Variants in ASS1 observed in about 807,000 individuals in gnomAD.
ASS1 encodes argininosuccinate synthase 1, also known as argininosuccinate synthase.
Under a neutral mutation model 60.5 loss-of-function variants are expected in ASS1, and 58 were observed. That is an observed-to-expected ratio of 0.96 (90% CI 0.78 to 1.19). The LOEUF (loss-of-function observed/expected upper bound fraction) is 1.19, where lower values mean the gene tolerates loss of function less well. Ranked by LOEUF, ASS1 falls within the 50% of genes most tolerant of loss-of-function variation. The pLI is 0.00. For synonymous variants in ASS1, 200 were observed against 206.9 expected, an observed-to-expected ratio of 0.97 and a Z score of 0.29; for missense variants, 454 against 547.3, an observed-to-expected ratio of 0.83 and a Z score of 1.70.
intron 1 of ASS1, among the ~76,000 whole-genome samples, chr9:130,446,296 G>A (rs1294248723): frequency 6.6e-6 from 1 of 152,210 alleles, no homozygotes; most frequent in East Asian, 1.9e-4. Context: ...CCTGGGGTTA[G>A]GTTCTGATGA....
chr9:130,487,602 C>T (rs897474317), intron 11 of ASS1, among the ~76,000 whole-genome samples: 1 of 152,144 alleles, frequency 6.6e-6, no homozygotes, highest in African/African-American at 2.4e-5. Context: ...TTCCCTACCC[C>T]GGCCCCTGGC....
At chr9:130,487,773 C>A (rs1178349877) in intron 11 of ASS1, among the ~76,000 whole-genome samples, 10 of 148,742 alleles carry the variant, frequency 6.7e-5, no homozygotes, top group Admixed American at 6.1e-4. Flanking sequence ...TTTTTTTAGA[C>A]AGAGTCTTGC....
In ASS1 at chr9:130,471,479, C is replaced by T. The variant is rs1554722504; in HGVS notation, c.567-6C>T. Reference sequence around the variant, plus strand: ...GCTGACCCTGTCTTTCCTTTCCCCTCCGCAGCTACGAGGCTGGAATCCTGG... The same window carrying T: ...GCTGACCCTGTCTTTCCTTTCCCCTTCGCAGCTACGAGGCTGGAATCCTGG... On this transcript the variant is annotated splice_region_variant and splice_polypyrimidine_tract_variant and intron_variant, in intron 7 of 14. Transcript: ENST00000352480. 1.9e-6 allele frequency: 3 copies of T among 1,614,148 alleles called. No individual in the cohort carries two copies. Among genetic ancestry groups the T allele is most frequent in the Middle Eastern group, 1.7e-4 (1 of 6,060 alleles).
intron 13 of ASS1, 67 bp from the exon 14 acceptor site, chr9:130,499,438 C>G: frequency 6.5e-7 from 1 of 1,537,662 alleles, no homozygotes; most frequent in Admixed American, 1.8e-5. Context: ...CTTCTGGCCC[C>G]AGCAGTCCTC....
chr9:130,465,056 A>AT lies in ASS1; in HGVS notation c.420+901dup, dbSNP rs796874986. On this transcript the variant is annotated intron_variant, in intron 5 of 14. Transcript: ENST00000352480. Reference sequence around the variant, plus strand: ...GTTTTATATATATATATATATATATATTTTTTTTTTTTCTTTTTCTGGAGA... The same window carrying AT: ...GTTTTATATATATATATATATATATATTTTTTTTTTTTTCTTTTTCTGGAGA... 4.2e-3 allele frequency among the ~76,000 whole-genome samples: 499 copies of AT among 120,034 alleles called. 2 individuals are homozygous for AT. The highest frequency in any genetic ancestry group is 0.011 in the Admixed American group (133 of 12,422). The allele number at this position is 120,034 out of a possible 152,430, so 78.7% of individuals were successfully genotyped here. A position where few individuals can be genotyped will look rare whatever the true frequency, so the allele number is the denominator to read the frequency against.
rs374255376 is a variant in ASS1 at position 130,489,245 on chromosome 9, A to AT, written c.839-77dup. On this transcript the variant is annotated intron_variant, in intron 11 of 14. Coordinates refer to ENST00000352480, the MANE Select transcript of ASS1 (RefSeq NM_054012.4). The surrounding 1 kb of genome is among the most constrained non-coding windows in gnomAD (Gnocchi z 4.1). Reference sequence around the variant, plus strand: ...TGTCAGACGACTCATTATTATTATTATTTTTTTTTTTGTCATTTGCTGACA... The same window carrying AT: ...TGTCAGACGACTCATTATTATTATTATTTTTTTTTTTTGTCATTTGCTGACA... The AT allele has an allele frequency of 1.5e-3, 2,022 of 1,360,542 alleles. No individual in the cohort carries two copies. Among genetic ancestry groups the AT allele is most frequent in the African/African-American group, 3.8e-3 (247 of 65,044 alleles). The allele number at this position is 1,360,542 out of a possible 1,614,324, so 84.3% of individuals were successfully genotyped here.
rs748264993 is a variant in ASS1, at chr9:130,454,374, G to T, written c.174+1G>T. 5 of 1,613,524 alleles carry T rather than the reference G, an allele frequency of 3.1e-6. No individual in the cohort carries two copies. The highest frequency in any genetic ancestry group is 3.3e-5 in the Admixed American group (2 of 59,964). ...GGCACTGAAGCTTGGGGCCAAAAAGGTACCAGGCGGGAGGCAGGGATTTGG... is the reference window on the plus strand; with the variant it reads ...GGCACTGAAGCTTGGGGCCAAAAAGTTACCAGGCGGGAGGCAGGGATTTGG... On this transcript the variant is annotated splice_donor_variant, in intron 3 of 14. Transcript: ENST00000352480. LOFTEE classifies it high-confidence loss of function.
chr9:130,458,229 G>A (rs1001317629), intron 3 of ASS1, among the ~76,000 whole-genome samples, 172 bp from the exon 4 acceptor site: 4 of 152,120 alleles, frequency 2.6e-5, no homozygotes, highest in Non-Finnish European at 4.4e-5. Flanking sequence ...GAGTAACAGT[G>A]CAGTGTGCTG....
intron 8 of ASS1, 86 bp downstream of exon 8, chr9:130,471,601 C>T: frequency 6.6e-7 from 1 of 1,506,906 alleles, no homozygotes; most frequent in Non-Finnish European, 9.2e-7. Context: ...TATTTATAGC[C>T]TAATTTGAAA....
Position 130,489,511 on chromosome 9 carries a change from T to A in ASS1, c.970+47T>A. On this transcript the variant is annotated intron_variant, in intron 12 of 14. Coordinates refer to ENST00000352480, the MANE Select transcript of ASS1 (RefSeq NM_054012.4). The surrounding 1 kb of genome is among the most constrained non-coding windows in gnomAD (Gnocchi z 4.1). ...CCCCCTCTAACCGCCTCACAAGGGA[T>A]CCCAAAGTACTATCAGGCTCTCGGG... 1 of 1,613,516 alleles carries A rather than the reference T, an allele frequency of 6.2e-7. No individual in the cohort carries two copies. The highest frequency in any genetic ancestry group is 8.5e-7 in the Non-Finnish European group (1 of 1,179,794).
chr9:130,447,821 G>A (rs1845231354), intron 1 of ASS1, among the ~76,000 whole-genome samples: 1 of 152,184 alleles, frequency 6.6e-6, no homozygotes, highest in Non-Finnish European at 1.5e-5. Context: ...AGCAAGCCAG[G>A]AACTTGGCTG....
At chr9:130,485,619 G>A (rs1339663094) in intron 11 of ASS1, among the ~76,000 whole-genome samples, 2 of 152,162 alleles carry the variant, frequency 1.3e-5, no homozygotes, top group Admixed American at 1.3e-4. Flanking sequence ...CCAGGATGGC[G>A]CCATTACGAC....
chr9:130,483,701 T>A (rs1325422690), intron 11 of ASS1, among the ~76,000 whole-genome samples: 1 of 148,138 alleles, frequency 6.8e-6, no homozygotes, highest in East Asian at 2.0e-4. Context: ...TCCGCTCTCC[T>A]CCCAGCCCTG....
At chr9:130,451,015 T>C (rs763846509) in intron 1 of ASS1, among the ~76,000 whole-genome samples, 1 of 152,158 alleles carries the variant, frequency 6.6e-6, no homozygotes, top group Non-Finnish European at 1.5e-5. Context: ...CTGCTGCTTG[T>C]TGATCCGATG....
At position 130,454,440 on chromosome 9, in the gene ASS1, C is replaced by T. The variant is rs370939517; in HGVS notation, c.174+67C>T. The T allele has an allele frequency of 1.0e-3, 1,507 of 1,499,804 alleles. 2 individuals are homozygous for T. The highest frequency in any genetic ancestry group is 1.3e-3 in the Non-Finnish European group (1,396 of 1,088,534). The allele number at this position is 1,499,804 out of a possible 1,614,324, so 92.9% of individuals were successfully genotyped here. A position where few individuals can be genotyped will look rare whatever the true frequency, so the allele number is the denominator to read the frequency against. Reference sequence around the variant, plus strand: ...GTGATGTGGAGGGCAGTGGTGGATGCTCCTGCCCCAGGGATCCCATCCCTT... The same window carrying T: ...GTGATGTGGAGGGCAGTGGTGGATGTTCCTGCCCCAGGGATCCCATCCCTT... On this transcript the variant is annotated intron_variant, in intron 3 of 14. Coordinates refer to ENST00000352480, the MANE Select transcript of ASS1 (RefSeq NM_054012.4).
chr9:130,485,283 C>G (rs1377285374), intron 11 of ASS1, among the ~76,000 whole-genome samples: 1 of 152,194 alleles, frequency 6.6e-6, no homozygotes, highest in Non-Finnish European at 1.5e-5. Flanking sequence ...GAACACTTAC[C>G]TTTGAGGTAG....
chr9:130,494,793 C>A lies in ASS1; in HGVS notation c.971-74C>A. 1 of 1,572,658 alleles carries A rather than the reference C, an allele frequency of 6.4e-7. No individual in the cohort carries two copies. The highest frequency in any genetic ancestry group is 8.7e-7 in the Non-Finnish European group (1 of 1,144,530). On this transcript the variant is annotated intron_variant, in intron 12 of 14. Transcript: ENST00000352480. The surrounding 1 kb of genome is among the most constrained non-coding windows in gnomAD (Gnocchi z 4.3). ...CGGGGTAAACCATGGGGCACCCTTC[C>A]TGTGCCCCAGGTCTCCCTGTGTCCT...
At chr9:130,446,766 C>T (rs909903987) in intron 1 of ASS1, among the ~76,000 whole-genome samples, 1 of 152,206 alleles carries the variant, frequency 6.6e-6, no homozygotes. Flanking sequence ...CCAGGTCAAC[C>T]AGATGCCTCA....
At chr9:130,464,403 G>A (rs1845676903) in intron 5 of ASS1, among the ~76,000 whole-genome samples, 1 of 152,194 alleles carries the variant, frequency 6.6e-6, no homozygotes. Flanking sequence ...AGGTGCTGGG[G>A]CACGGGATAG....
Sources: gnomAD v4.1 joint callset for allele counts (sites outside exome capture counted in the v4.1 genomes callset) on GRCh38, gnomAD v4.1.1 for gene constraint, Gnocchi (gnomAD v3.1) non-coding constraint, MANE v1.5 for transcripts, NCBI Gene and HGNC (gene_info 2026-07-23, HGNC 2026-07-21) for gene names.